Variants in DGKH observed in about 807,000 individuals in gnomAD.
DGKH encodes DAG kinase eta.
A neutral mutation model predicts 159.3 loss-of-function variants in DGKH; 90 were observed. That is an observed-to-expected ratio of 0.57 (90% CI 0.48 to 0.67). The LOEUF (loss-of-function observed/expected upper bound fraction) is 0.67. Among genes scored for constraint, DGKH ranks in the 30% least tolerant of loss-of-function variants. DGKH has a pLI of 0.00. For synonymous variants in DGKH, 536 were observed against 553.8 expected (o/e 0.97, Z 0.45); for missense variants, 1,181 against 1,506.1 (o/e 0.78, Z 3.57).
At chr13:42,041,394 C>G (rs1167863578) in intron 1 of DGKH, among the ~76,000 whole-genome samples, 1 of 152,156 alleles carries the variant, frequency 6.6e-6, no homozygotes, top group African/African-American at 2.4e-5. Flanking sequence ...CCCAGAACCA[C>G]GCCTCCGACT....
upstream of DGKH, among the ~76,000 whole-genome samples, chr13:42,044,696 A>G (rs1241035073): frequency 1.3e-5 from 2 of 152,234 alleles, no homozygotes; most frequent in Non-Finnish European, 2.9e-5. Flanking sequence ...ATAAACGATC[A>G]GCCTTAGCAT....
chr13:42,078,529 C>G (rs1178004404), intron 1 of DGKH, among the ~76,000 whole-genome samples: 1 of 152,130 alleles, frequency 6.6e-6, no homozygotes, highest in African/African-American at 2.4e-5. Context: ...ATTGGCAGAA[C>G]TCAAATCACA....
chr13:42,047,444 C>G (rs1334814667), upstream of DGKH, among the ~76,000 whole-genome samples: 1 of 152,204 alleles, frequency 6.6e-6, no homozygotes, highest in African/African-American at 2.4e-5. Context: ...ATGCTTTCTC[C>G]AGGTGGAGAG....
At position 42,210,531 on chromosome 13, in the gene DGKH, A is replaced by G. The variant is rs1337739461; in HGVS notation, c.2851-71A>G. 3 of 1,427,852 alleles carry G rather than the reference A, an allele frequency of 2.1e-6. No homozygotes were observed. The African/African-American group carries it at 4.3e-5, about 20-fold the overall frequency. The allele number at this position is 1,427,852 out of a possible 1,614,324, so 88.4% of individuals were successfully genotyped here. On this transcript the variant is annotated intron_variant, in intron 23 of 29. Transcript: ENST00000337343. ...TTAGAGAAAAAGCAATTGTAGTTTTATTAAAGCACACATTTACATGGACCT... is the reference window on the plus strand; with the variant it reads ...TTAGAGAAAAAGCAATTGTAGTTTTGTTAAAGCACACATTTACATGGACCT...
chr13:42,048,924 C>A lies in DGKH; in HGVS notation c.151C>A (p.Leu51Met), dbSNP rs373562177. 2.6e-4 allele frequency: 348 copies of A among 1,334,150 alleles called. 2 individuals carry two copies. In the South Asian group the frequency reaches 5.8e-3, roughly 22 times the overall value. 82.6% of individuals were successfully genotyped at this position (1,334,150 alleles called of 1,614,324 possible). A position where few individuals can be genotyped will look rare whatever the true frequency, so the allele number is the denominator to read the frequency against. Residue 51 changes from leucine (L) to methionine (M), a missense_variant, in exon 1 of 30, where the codon CTG becomes ATG. Physicochemically the swap from Leu to Met is conservative, Grantham distance 15. Coordinates refer to ENST00000337343, the MANE Select transcript of DGKH (RefSeq NM_178009.5). The surrounding 1 kb of genome is among the most constrained non-coding windows in gnomAD (Gnocchi z 6.7). ...SEAEQEGPQK[L>M]IRKVSTSGQI... ...AGCGGAGCAAGAGGGACCCCAGAAA[C>A]TGATCCGCAAAGTGTCTACCTCGGG...
At chr13:42,204,145 T>C (rs1957407569) in intron 20 of DGKH, among the ~76,000 whole-genome samples, 1 of 152,218 alleles carries the variant, frequency 6.6e-6, no homozygotes, top group Non-Finnish European at 1.5e-5. Flanking sequence ...TTGGAAAATA[T>C]TTTTAAAATA....
At chr13:42,092,075 A>T (rs1954429326) in intron 1 of DGKH, among the ~76,000 whole-genome samples, 1 of 152,198 alleles carries the variant, frequency 6.6e-6, no homozygotes, top group Non-Finnish European at 1.5e-5. Context: ...CTATTATCAA[A>T]AGACAAAAGA....
chr13:42,155,602 A>C (rs1263764667), intron 4 of DGKH, 65 bp from the exon 5 acceptor site: 2 of 1,608,702 alleles, frequency 1.2e-6, no homozygotes, highest in African/African-American at 1.3e-5. Context: ...ATGCATTCCA[A>C]ACAGTTCAGC....
intron 5 of DGKH, among the ~76,000 whole-genome samples, chr13:42,158,111 C>T (rs190170483): frequency 9.0e-4 from 137 of 152,318 alleles, no homozygotes; most frequent in Non-Finnish European, 1.3e-3. Flanking sequence ...TCCATTTGTA[C>T]ATAGACTAGT....
intron 1 of DGKH, among the ~76,000 whole-genome samples, chr13:42,117,909 A>G (rs1378424602): frequency 6.6e-6 from 1 of 152,144 alleles, no homozygotes; most frequent in African/African-American, 2.4e-5. Context: ...AAATCTGCTG[A>G]ACCCTGGAAA....
intron 1 of DGKH, among the ~76,000 whole-genome samples, chr13:42,095,534 G>T (rs1696197704): frequency 6.6e-6 from 1 of 152,090 alleles, no homozygotes; most frequent in Non-Finnish European, 1.5e-5. Flanking sequence ...GTTAGGAGCT[G>T]TGTTTTTAGC....
At position 42,233,911 on chromosome 13, in the gene DGKH, A is replaced by G. The variant is rs912835972; in HGVS notation, c.*4723A>G. On this transcript the variant is annotated 3_prime_UTR_variant, in exon 30 of 30. Transcript: ENST00000337343. Reference sequence around the variant, plus strand: ...TAGCTCATGCATGAGGACACATAGCAGTACACACACATTGAATGAATTGTT... The same window carrying G: ...TAGCTCATGCATGAGGACACATAGCGGTACACACACATTGAATGAATTGTT... The G allele has an allele frequency of 6.6e-6, 1 of 152,268 alleles. No homozygotes were observed. Among genetic ancestry groups the G allele is most frequent in the African/African-American group, 2.4e-5 (1 of 41,462 alleles). The allele number at this position is 152,268 out of a possible 1,614,324, so 9.4% of individuals were successfully genotyped here.
At chr13:42,147,661 A>G (rs1955772761) in intron 3 of DGKH, among the ~76,000 whole-genome samples, 1 of 152,248 alleles carries the variant, frequency 6.6e-6, no homozygotes, top group Admixed American at 6.5e-5. Flanking sequence ...TAATGTGTCC[A>G]TTAACTAATA....
At chr13:42,046,614 AGAGT>A (rs1264088741), upstream of DGKH, among the ~76,000 whole-genome samples, 1 of 152,226 alleles carries the variant, frequency 6.6e-6, no homozygotes, top group African/African-American at 2.4e-5. Context: ...TTCAAATCAA[AGAGT>A]GAGATGCGTA....
At chr13:42,063,759 G>C (rs571760661) in intron 1 of DGKH, among the ~76,000 whole-genome samples, 274 of 152,248 alleles carry the variant, frequency 1.8e-3, no homozygotes, top group Non-Finnish European at 3.2e-3. Flanking sequence ...GACCAACATG[G>C]AGAAACCCCG....
Position 42,219,211 on chromosome 13 carries a change from T to C in DGKH, c.3214-19T>C. ...ACTGAGTCTTGTTTTGTTTTGTCTT[T>C]TAATCTGCTGGTAAATAGCAGCTGG... On this transcript the variant is annotated intron_variant, in intron 26 of 29. Coordinates refer to ENST00000337343, the MANE Select transcript of DGKH (RefSeq NM_178009.5). The C allele has an allele frequency of 6.2e-7, 1 of 1,613,084 alleles. No homozygotes were observed. Among genetic ancestry groups the C allele is most frequent in the Non-Finnish European group, 8.5e-7 (1 of 1,179,594 alleles).
intron 1 of DGKH, among the ~76,000 whole-genome samples, chr13:42,100,752 G>C (rs150212012): frequency 6.6e-6 from 1 of 152,100 alleles, no homozygotes; most frequent in Admixed American, 6.6e-5. Context: ...AATTCAACCC[G>C]CCTTACTCTT....
chr13:42,137,926 T>A (rs1019330877), intron 3 of DGKH: 7 of 176,572 alleles, frequency 4.0e-5, no homozygotes, highest in African/African-American at 1.7e-4. Flanking sequence ...GTTACTGCAG[T>A]GCGCAGGACC....
chr13:42,166,046 C>G (rs1371062900), intron 8 of DGKH, among the ~76,000 whole-genome samples: 3 of 152,024 alleles, frequency 2.0e-5, no homozygotes, highest in Non-Finnish European at 2.9e-5. Flanking sequence ...GCCAATTCCC[C>G]CAAAATATAC....
Sources: allele counts gnomAD v4.1 joint callset (sites outside exome capture counted in the v4.1 genomes callset), GRCh38; gene constraint gnomAD v4.1.1; non-coding constraint Gnocchi (gnomAD v3.1); transcripts MANE v1.5; gene names NCBI Gene and HGNC (gene_info 2026-07-23, HGNC 2026-07-21).